The following TRHDE variants were observed in gnomAD, a reference collection of about 807,000 sequenced individuals.
TRHDE encodes the protein thyrotropin releasing hormone degrading enzyme.
TRHDE carries 72 observed loss-of-function variants against 125.7 expected under a neutral mutation model. The observed-to-expected ratio is 0.57, with a 90% confidence interval of 0.47 to 0.70. TRHDE has a LOEUF of 0.70. TRHDE is among the 30% of genes least tolerant of loss of function. The pLI is 0.00. For missense variants in TRHDE, 1,110 were observed against 1,327.1 expected (o/e 0.84, Z 2.54); for synonymous variants, 509 against 509.1 (o/e 1.00, Z 0.00).
chr12:72,598,343 C>T (rs2136056213), intron 12 of TRHDE, among the ~76,000 whole-genome samples: 1 of 152,280 alleles, frequency 6.6e-6, no homozygotes, highest in Non-Finnish European at 1.5e-5. Flanking sequence ...AGTTTTGCCA[C>T]ATATCTTCTT....
At chr12:72,509,273 C>T (rs1027424598) in intron 6 of TRHDE, among the ~76,000 whole-genome samples, 1 of 151,394 alleles carries the variant, frequency 6.6e-6, no homozygotes, top group Non-Finnish European at 1.5e-5. Context: ...AACCACCGCA[C>T]CCCCCCGCAC....
At chr12:72,224,576 T>C (rs1272306459) in intron 2 of TRHDE, among the ~76,000 whole-genome samples, 1 of 152,124 alleles carries the variant, frequency 6.6e-6, no homozygotes, top group African/African-American at 2.4e-5. Flanking sequence ...GATTACTTTT[T>C]AGAGGTGGTA....
intron 12 of TRHDE, among the ~76,000 whole-genome samples, chr12:72,604,271 A>T (rs1872336098): frequency 6.6e-6 from 1 of 152,148 alleles, no homozygotes; most frequent in African/African-American, 2.4e-5. Context: ...AGCTTAACTG[A>T]GATGAAATTC....
chr12:72,454,580 T>G (rs1875746883), intron 3 of TRHDE, among the ~76,000 whole-genome samples: 1 of 152,112 alleles, frequency 6.6e-6, no homozygotes, highest in African/African-American at 2.4e-5. Context: ...AAAATAAATA[T>G]AAATAAACAT....
chr12:72,567,822 T>C (rs1034321773), intron 9 of TRHDE, among the ~76,000 whole-genome samples: 11 of 152,090 alleles, frequency 7.2e-5, no homozygotes, highest in South Asian at 2.1e-4. Flanking sequence ...GGCTATTCAT[T>C]TGAGATTAAA....
chr12:72,363,682 C>G (rs1592390451), intron 2 of TRHDE, among the ~76,000 whole-genome samples: 3 of 152,168 alleles, frequency 2.0e-5, no homozygotes, highest in Admixed American at 2.0e-4. Context: ...TGGGCATAAA[C>G]TGGAAGCATT....
At chr12:72,336,000 A>C (rs1337034916) in intron 2 of TRHDE, among the ~76,000 whole-genome samples, 1 of 152,250 alleles carries the variant, frequency 6.6e-6, no homozygotes, top group Non-Finnish European at 1.5e-5. Flanking sequence ...TTTGTTAGAC[A>C]TAAGCACATT....
chr12:72,449,366 C>T (rs1481042614), intron 3 of TRHDE, among the ~76,000 whole-genome samples: 2 of 151,964 alleles, frequency 1.3e-5, no homozygotes, highest in African/African-American at 4.8e-5. Flanking sequence ...CATAATAAAC[C>T]TGTAAATGTT....
chr12:72,230,868 T>C (rs1351820780), intron 2 of TRHDE, among the ~76,000 whole-genome samples: 1 of 152,228 alleles, frequency 6.6e-6, no homozygotes, highest in African/African-American at 2.4e-5. Flanking sequence ...CATAAAACTC[T>C]ATTTAAGGCA....
chr12:72,413,463 TGTAAA>T (rs1288118208), intron 3 of TRHDE, among the ~76,000 whole-genome samples: 2 of 122,836 alleles, frequency 1.6e-5, no homozygotes, highest in East Asian at 5.2e-4. Context: ...AGATTATATA[TGTAAA>T]ATAAAATGAT....
At chr12:72,613,068 T>C (rs1200205155) in intron 12 of TRHDE, among the ~76,000 whole-genome samples, 17 of 152,212 alleles carry the variant, frequency 1.1e-4, no homozygotes, top group Non-Finnish European at 2.5e-4. Context: ...GAAGGAACTC[T>C]AGAAATCATG....
At chr12:72,614,709 A>G (rs1872752876) in intron 12 of TRHDE, among the ~76,000 whole-genome samples, 1 of 152,126 alleles carries the variant, frequency 6.6e-6, no homozygotes, top group Non-Finnish European at 1.5e-5. Flanking sequence ...TATTTCTCTA[A>G]AAGTTTCAAC....
At chr12:72,480,809 C>T (rs1877133503) in intron 5 of TRHDE, among the ~76,000 whole-genome samples, 2 of 152,010 alleles carry the variant, frequency 1.3e-5, no homozygotes, top group Non-Finnish European at 1.5e-5. Context: ...TGTCAGACAC[C>T]ACTTGATAAA....
At chr12:72,320,242 A>AC (rs34617851) in intron 2 of TRHDE, among the ~76,000 whole-genome samples, 1 of 151,900 alleles carries the variant, frequency 6.6e-6, no homozygotes, top group East Asian at 1.9e-4. Flanking sequence ...TGTTCCAGGA[A>AC]CCCCCCACAG....
intron 7 of TRHDE, among the ~76,000 whole-genome samples, chr12:72,547,439 G>A (rs1249493332): frequency 6.6e-6 from 1 of 151,746 alleles, no homozygotes; most frequent in Non-Finnish European, 1.5e-5. Flanking sequence ...ATCAGTACCA[G>A]TAATATATAA....
chr12:72,337,650 A>T (rs887349027), intron 2 of TRHDE, among the ~76,000 whole-genome samples: 1 of 151,686 alleles, frequency 6.6e-6, no homozygotes, highest in Admixed American at 6.6e-5. Context: ...AATGCATTCT[A>T]TTCCCCTTTG....
intron 15 of TRHDE, among the ~76,000 whole-genome samples, chr12:72,627,475 A>G (rs764300351): frequency 6.6e-6 from 1 of 151,854 alleles, no homozygotes; most frequent in Non-Finnish European, 1.5e-5. Context: ...TAAAGAAGAA[A>G]ATGGTATGGG....
chr12:72,491,972 C>A (rs1489013595), intron 5 of TRHDE, among the ~76,000 whole-genome samples: 2 of 151,930 alleles, frequency 1.3e-5, no homozygotes. Context: ...GTTATGCAAA[C>A]AAACAAACTT....
chr12:72,554,928 G>A (rs889292020), intron 7 of TRHDE, among the ~76,000 whole-genome samples: 1 of 152,128 alleles, frequency 6.6e-6, no homozygotes, highest in African/African-American at 2.4e-5. Context: ...TGCATGTTGA[G>A]GAATTGGTGG....
Sources: allele counts gnomAD v4.1 joint callset (sites outside exome capture counted in the v4.1 genomes callset), GRCh38; gene constraint gnomAD v4.1.1; transcripts MANE v1.5; gene names NCBI Gene and HGNC (gene_info 2026-07-23, HGNC 2026-07-21).